Variants in GINS2 observed in about 807,000 individuals in gnomAD.
GINS2 encodes DNA replication complex GINS protein PSF2.
In GINS2, 23 loss-of-function variants were observed where a neutral mutation model predicts 21.2. That is an observed-to-expected ratio of 1.08 (90% CI 0.78 to 1.53). GINS2 has a LOEUF of 1.53. GINS2 is among the 40% of genes most tolerant of loss of function. The pLI is 0.00. For synonymous variants in GINS2, 118 were observed against 85.6 expected, an observed-to-expected ratio of 1.38 and a Z score of -2.09; for missense variants, 323 against 233.9, an observed-to-expected ratio of 1.38 and a Z score of -2.49.
At chr16:85,682,626 C>T (rs557180949) in intron 2 of GINS2, among the ~76,000 whole-genome samples, 1 of 152,164 alleles carries the variant, frequency 6.6e-6, no homozygotes, top group Non-Finnish European at 1.5e-5. Flanking sequence ...AGGGCTAAGC[C>T]ACCCCAGCCG....
chr16:85,688,236 G>A (rs540458945), intron 1 of GINS2, among the ~76,000 whole-genome samples: 7 of 152,030 alleles, frequency 4.6e-5, no homozygotes, highest in East Asian at 3.9e-4. Context: ...CCAGGAGTTC[G>A]AGGCCAGCCG....
At chr16:85,681,707 T>C in intron 2 of GINS2, 26 bp from the exon 3 acceptor site, 1 of 1,350,946 alleles carries the variant, frequency 7.4e-7, no homozygotes, top group South Asian at 1.2e-5. Flanking sequence ...TAATACATTT[T>C]ACCATCATTA....
At chr16:85,687,713 C>A (rs550940885) in intron 1 of GINS2, 139 bp from the exon 2 acceptor site, 11 of 556,812 alleles carry the variant, frequency 2.0e-5, no homozygotes, top group African/African-American at 1.6e-4. Flanking sequence ...CAACTGTTAC[C>A]AGACTCAGAA....
chr16:85,683,925 C>T (rs951719813), intron 2 of GINS2, among the ~76,000 whole-genome samples: 1 of 152,162 alleles, frequency 6.6e-6, no homozygotes, highest in Non-Finnish European at 1.5e-5. Flanking sequence ...ACCAGGTGGC[C>T]GTTTCTTACA....
At chr16:85,682,368 T>C (rs1221126720) in intron 2 of GINS2, among the ~76,000 whole-genome samples, 1 of 152,134 alleles carries the variant, frequency 6.6e-6, no homozygotes, top group Non-Finnish European at 1.5e-5. Context: ...AATTTATTTA[T>C]ACTAAGCCTT....
At chr16:85,680,245 T>G (rs1403121900) in intron 3 of GINS2, among the ~76,000 whole-genome samples, 1 of 152,242 alleles carries the variant, frequency 6.6e-6, no homozygotes, top group Non-Finnish European at 1.5e-5. Context: ...ATTCATGGGC[T>G]GACTGCAGCC....
intron 2 of GINS2, among the ~76,000 whole-genome samples, chr16:85,685,685 A>AAAAAACAAAAAAAAAAAAAAAAAC (rs1555579590): frequency 1.7e-5 from 2 of 120,900 alleles, no homozygotes; most frequent in Non-Finnish European, 3.9e-5. Flanking sequence ...AAAAAAAAAA[A>AAAAAACAAAAAAAAAAAAAAAAAC]AAAAAACCGT....
Position 85,688,905 on chromosome 16 carries a change from G to A in GINS2, c.-7C>T. On this transcript the variant is annotated 5_prime_UTR_variant, in exon 1 of 5. Transcript: ENST00000253462. ...CGACCTCGGCAGCGTCCATGGCGGC[G>A]CGAGCTGCAGGCCAGAGCCTCACGG... 2.6e-6 allele frequency: 4 copies of A among 1,531,130 alleles called. No homozygotes were observed. The highest frequency in any genetic ancestry group is 1.4e-5 in the African/African-American group (1 of 71,704). 94.8% of individuals were successfully genotyped at this position (1,531,130 alleles called of 1,614,324 possible). A position where few individuals can be genotyped will look rare whatever the true frequency, so the allele number is the denominator to read the frequency against.
chr16:85,687,823 G>C (rs1598764261), intron 1 of GINS2: 1 of 365,574 alleles, frequency 2.7e-6, no homozygotes, highest in Admixed American at 4.7e-5. Flanking sequence ...GAGTGGGTGG[G>C]GGGCGCTCCC....
At chr16:85,683,680 C>T (rs2053752373) in intron 2 of GINS2, among the ~76,000 whole-genome samples, 1 of 152,252 alleles carries the variant, frequency 6.6e-6, no homozygotes. Flanking sequence ...CATCTCCCAC[C>T]TCCATCAGCC....
intron 2 of GINS2, among the ~76,000 whole-genome samples, chr16:85,685,588 T>G (rs1317036704): frequency 6.8e-6 from 1 of 146,908 alleles, no homozygotes; most frequent in East Asian, 2.1e-4. Context: ...GGAGGATGAC[T>G]TGAGGCTGGG....
chr16:85,683,540 C>A (rs1361960524), intron 2 of GINS2, among the ~76,000 whole-genome samples: 1 of 152,232 alleles, frequency 6.6e-6, no homozygotes. Flanking sequence ...CAGGAGACAG[C>A]AACTCCCTCT....
intron 1 of GINS2, among the ~76,000 whole-genome samples, chr16:85,688,454 G>A (rs970121036): frequency 1.3e-5 from 2 of 152,134 alleles, no homozygotes; most frequent in Non-Finnish European, 2.9e-5. Context: ...GCTGAGGCAG[G>A]AGAATCGCTT....
At position 85,681,646 on chromosome 16, in the gene GINS2, C is replaced by A. The variant is rs746771625; in HGVS notation, c.241G>T (p.Glu81Ter). ...CTGGGCATTGGGGTAAAAGTTTCTT[C>A]CTTTCGTTCATGATCCCTCATCTTC... Reference protein sequence around the residue: ...LEKMRDHERKEETFTPMPSPY... With the variant: ...LEKMRDHERK The change falls in exon 3 of 5, where the codon GAA becomes TAA. Residue 81 changes from glutamate (E) to a stop codon, truncating the protein, a stop_gained. Transcript: ENST00000253462. LOFTEE classifies it high-confidence loss of function. 2 of 1,612,510 alleles carry A rather than the reference C, an allele frequency of 1.2e-6. No individual in the cohort carries two copies. Among genetic ancestry groups the A allele is most frequent in the African/African-American group, 2.7e-5 (2 of 74,998 alleles).
Position 85,688,854 on chromosome 16 carries a change from A to G in GINS2, c.45T>C (p.Val15=). ...CCAGACTGAAGTTGGGGATAATGGT[A>G]ACCAGCTCCTTCTCGGCGAGGAATT... ...EVEFLAEKEL[V]TIIPNFSLDK... is the part of the protein sequence containing the mutation. Residue 15 remains valine, a synonymous_variant, in exon 1 of 5, where the codon GTT becomes GTC. Coordinates refer to ENST00000253462, the MANE Select transcript of GINS2 (RefSeq NM_016095.3). 1 of 1,545,596 alleles carries G rather than the reference A, an allele frequency of 6.5e-7. No individual in the cohort carries two copies. The highest frequency in any genetic ancestry group is 8.7e-7 in the Non-Finnish European group (1 of 1,144,146).
intron 2 of GINS2, among the ~76,000 whole-genome samples, chr16:85,682,602 A>T (rs1213209347): frequency 1.3e-5 from 2 of 151,566 alleles, no homozygotes; most frequent in African/African-American, 4.9e-5. Flanking sequence ...CCTGGGCACG[A>T]TACAATATCC....
At chr16:85,679,125 C>T (rs2152050834) in intron 3 of GINS2, among the ~76,000 whole-genome samples, 1 of 152,312 alleles carries the variant, frequency 6.6e-6, no homozygotes, top group South Asian at 2.1e-4. Context: ...AAGGAAAACG[C>T]CAACTCCATG....
At chr16:85,685,685 A>AAAAAAC (rs1555579590) in intron 2 of GINS2, among the ~76,000 whole-genome samples, 9 of 120,900 alleles carry the variant, frequency 7.4e-5, no homozygotes, top group East Asian at 6.9e-4. Context: ...AAAAAAAAAA[A>AAAAAAC]AAAAAACCGT....
At chr16:85,682,895 G>A (rs2053745936) in intron 2 of GINS2, among the ~76,000 whole-genome samples, 1 of 152,046 alleles carries the variant, frequency 6.6e-6, no homozygotes, top group South Asian at 2.1e-4. Context: ...CTGCAATCCT[G>A]GCCCAATTCC....
Sources: gnomAD v4.1 joint callset for allele counts (sites outside exome capture counted in the v4.1 genomes callset) on GRCh38, gnomAD v4.1.1 for gene constraint, MANE v1.5 for transcripts, NCBI Gene and HGNC (gene_info 2026-07-23, HGNC 2026-07-21) for gene names.